The following BCL2 variants were observed in gnomAD, a reference collection of about 807,000 sequenced individuals.
The protein encoded by BCL2 is apoptosis regulator Bcl-2.
In BCL2, 1 loss-of-function variant was observed where a neutral mutation model predicts 14.2. The ratio of observed to expected loss-of-function variants is 0.07; its 90% CI spans 0.02 to 0.33. BCL2 has a LOEUF of 0.33. BCL2 is among the 10% of genes least tolerant of loss of function. The pLI, the probability that BCL2 is intolerant of heterozygous loss-of-function variation, is 0.99. For missense variants in BCL2, 247 were observed against 305.9 expected (o/e 0.81, Z 1.44); for synonymous variants, 151 against 137.2 (o/e 1.10, Z -0.70).
rs1343361937 is a variant in BCL2 at position 63,125,316 on chromosome 18, CT to C, written c.*3308del. The stretch of plus-strand genomic sequence containing the variant: ...TTAATTCTGTGACTTTATTCCAAAT[CT>C]TAAGCCTGCCAGAGTTTTCTGCCCC... On this transcript the variant is annotated 3_prime_UTR_variant, in exon 3 of 3. Transcript: ENST00000333681. 1 of 226,466 alleles carries C rather than the reference CT, an allele frequency of 4.4e-6. No homozygotes were observed. Among genetic ancestry groups the C allele is most frequent in the Admixed American group, 5.7e-5 (1 of 17,534 alleles). The allele number at this position is 226,466 out of a possible 1,614,324, so 14.0% of individuals were successfully genotyped here. A position where few individuals can be genotyped will look rare whatever the true frequency, so the allele number is the denominator to read the frequency against.
At chr18:63,193,287 A>G (rs994318551) in intron 2 of BCL2, among the ~76,000 whole-genome samples, 2 of 152,194 alleles carry the variant, frequency 1.3e-5, no homozygotes, top group African/African-American at 4.8e-5. Flanking sequence ...CATGTCCATT[A>G]AAGTGACATT....
At chr18:63,187,993 C>T (rs960150785) in intron 2 of BCL2, among the ~76,000 whole-genome samples, 5 of 152,142 alleles carry the variant, frequency 3.3e-5, no homozygotes, top group African/African-American at 1.2e-4. Context: ...GGCGTTCAGA[C>T]CATGGAAATA....
Position 63,247,489 on chromosome 18 carries a change from C to T in BCL2, c.585+70593G>A, listed in dbSNP as rs1425177118. Among the ~76,000 whole-genome samples, 5 of 152,078 alleles carry T rather than the reference C, an allele frequency of 3.3e-5. No homozygotes were observed. In the South Asian group the frequency reaches 6.2e-4, roughly 19 times the overall value. On this transcript the variant is annotated intron_variant, in intron 2 of 2. Coordinates refer to ENST00000333681, the MANE Select transcript of BCL2 (RefSeq NM_000633.3). ...CTGGCATTACAAGTGTGAGCCACCG[C>T]GCCCGGCCACAATAGGATCTTGGTA...
At chr18:63,286,032 C>G (rs1028696517) in intron 2 of BCL2, among the ~76,000 whole-genome samples, 2 of 152,204 alleles carry the variant, frequency 1.3e-5, no homozygotes, top group African/African-American at 4.8e-5. Context: ...TGAACTATGT[C>G]CTGCTCTTAT....
At chr18:63,144,063 T>G (rs1308338675) in intron 2 of BCL2, among the ~76,000 whole-genome samples, 1 of 152,224 alleles carries the variant, frequency 6.6e-6, no homozygotes, top group Non-Finnish European at 1.5e-5. Flanking sequence ...AGAGAAATTT[T>G]AGGTCAAGCA....
intron 2 of BCL2, among the ~76,000 whole-genome samples, chr18:63,186,914 A>G (rs569446767): frequency 7.2e-5 from 11 of 152,376 alleles, no homozygotes; most frequent in Admixed American, 6.5e-4. Context: ...TTGTCCTGAC[A>G]AATAAAAATA....
intron 2 of BCL2, chr18:63,314,377 G>A (rs908069255): frequency 1.1e-4 from 16 of 152,224 alleles, no homozygotes; most frequent in African/African-American, 3.6e-4. Flanking sequence ...GATGTGGACT[G>A]CCTTGAGAAA....
At chr18:63,212,673 G>A (rs1232254334) in intron 2 of BCL2, among the ~76,000 whole-genome samples, 6 of 152,184 alleles carry the variant, frequency 3.9e-5, no homozygotes, top group South Asian at 2.1e-4. Flanking sequence ...TCAGGAGTTC[G>A]AGAGCAGCCT....
intron 2 of BCL2, among the ~76,000 whole-genome samples, chr18:63,293,060 C>T (rs1217966464): frequency 5.3e-5 from 8 of 152,190 alleles, no homozygotes; most frequent in African/African-American, 1.9e-4. Flanking sequence ...ATGCAACGTG[C>T]AAGATGTGCA....
At chr18:63,154,793 T>C (rs1024620665) in intron 2 of BCL2, among the ~76,000 whole-genome samples, 1 of 152,264 alleles carries the variant, frequency 6.6e-6, no homozygotes, top group African/African-American at 2.4e-5. Flanking sequence ...TTCTTCATCT[T>C]GGTTTTCCCA....
At chr18:63,139,833 G>A (rs749847472) in intron 2 of BCL2, among the ~76,000 whole-genome samples, 1 of 152,152 alleles carries the variant, frequency 6.6e-6, no homozygotes, top group East Asian at 1.9e-4. Context: ...TTGGGCTTAT[G>A]CTATTTCACT....
chr18:63,182,884 C>T (rs1401446355), intron 2 of BCL2, among the ~76,000 whole-genome samples: 1 of 152,200 alleles, frequency 6.6e-6, no homozygotes, highest in African/African-American at 2.4e-5. Context: ...AAAAGGATTC[C>T]TGCTGTAAGA....
At chr18:63,209,012 A>G (rs1909921072) in intron 2 of BCL2, among the ~76,000 whole-genome samples, 1 of 152,246 alleles carries the variant, frequency 6.6e-6, no homozygotes, top group Admixed American at 6.5e-5. Flanking sequence ...GTGTCAGCTC[A>G]GAGCCAGTCA....
chr18:63,150,756 T>C (rs1227983130), intron 2 of BCL2, among the ~76,000 whole-genome samples: 3 of 152,228 alleles, frequency 2.0e-5, no homozygotes, highest in African/African-American at 7.2e-5. Context: ...GAAGCTAAGC[T>C]AACACATTCT....
chr18:63,298,745 T>TGC (rs1156231258), intron 2 of BCL2, among the ~76,000 whole-genome samples: 2 of 152,236 alleles, frequency 1.3e-5, no homozygotes, highest in Non-Finnish European at 2.9e-5. Flanking sequence ...GGGAAAAGGC[T>TGC]GCGGAGCTGT....
chr18:63,138,313 G>T (rs570469344), intron 2 of BCL2, among the ~76,000 whole-genome samples: 1 of 152,272 alleles, frequency 6.6e-6, no homozygotes, highest in African/African-American at 2.4e-5. Flanking sequence ...CCTTATCATC[G>T]GCTCGGCAGG....
intron 2 of BCL2, among the ~76,000 whole-genome samples, chr18:63,171,257 C>A (rs772976220): frequency 1.3e-4 from 20 of 152,126 alleles, no homozygotes; most frequent in Non-Finnish European, 2.5e-4. Flanking sequence ...AAAACAAAAA[C>A]CAACACCTTA....
chr18:63,305,060 G>A (rs1005283359), intron 2 of BCL2, among the ~76,000 whole-genome samples: 1 of 152,128 alleles, frequency 6.6e-6, no homozygotes, highest in Non-Finnish European at 1.5e-5. Context: ...GTCCAAGCCC[G>A]CCTGGCTCAT....
chr18:63,217,873 T>G (rs911435962), intron 2 of BCL2, among the ~76,000 whole-genome samples: 3 of 152,240 alleles, frequency 2.0e-5, no homozygotes, highest in Non-Finnish European at 4.4e-5. Context: ...GAGTGTTCAC[T>G]TTAAGCAAAA....
Sources: allele counts gnomAD v4.1 joint callset (sites outside exome capture counted in the v4.1 genomes callset), GRCh38; gene constraint gnomAD v4.1.1; transcripts MANE v1.5; gene names NCBI Gene and HGNC (gene_info 2026-07-23, HGNC 2026-07-21).